Variants in FAM107B observed in about 807,000 individuals in gnomAD.
FAM107B encodes the protein protein FAM107B.
A neutral mutation model predicts 31.5 loss-of-function variants in FAM107B; 21 were observed. The ratio of observed to expected loss-of-function variants is 0.67; its 90% CI spans 0.47 to 0.96. The LOEUF is 0.96. Among genes scored for constraint, FAM107B ranks in the 40% least tolerant of loss-of-function variants. The pLI, the probability that FAM107B is intolerant of heterozygous loss-of-function variation, is 0.00. For synonymous variants in FAM107B, 157 were observed against 141.5 expected (o/e 1.11, Z -0.78); for missense variants, 452 against 377.1 (o/e 1.20, Z -1.64).
intron 1 of FAM107B, among the ~76,000 whole-genome samples, chr10:14,724,784 C>A (rs901817853): frequency 1.3e-5 from 2 of 152,136 alleles, no homozygotes; most frequent in African/African-American, 2.4e-5. Flanking sequence ...GACAGAAGCT[C>A]ATCCACACTG....
At chr10:14,571,483 GT>G (rs1851220682) in intron 2 of FAM107B, among the ~76,000 whole-genome samples, 1 of 152,092 alleles carries the variant, frequency 6.6e-6, no homozygotes, top group Non-Finnish European at 1.5e-5. Context: ...AAAAAGCTAA[GT>G]AAAAGGCGAC....
intron 2 of FAM107B, among the ~76,000 whole-genome samples, chr10:14,574,532 A>G (rs1851404454): frequency 6.6e-6 from 1 of 152,198 alleles, no homozygotes; most frequent in Admixed American, 6.5e-5. Flanking sequence ...GCTGATCACA[A>G]CTGTCCACCT....
chr10:14,641,184 T>C (rs1011709048), intron 2 of FAM107B, among the ~76,000 whole-genome samples: 2 of 152,216 alleles, frequency 1.3e-5, no homozygotes, highest in Non-Finnish European at 2.9e-5. Context: ...TTTTCTTAGG[T>C]AGATATGATA....
rs764029515 is a variant in FAM107B, at chr10:14,774,230, T to C, written c.411+23A>G. The C allele has an allele frequency of 2.0e-5, 32 of 1,584,062 alleles. 2 individuals are homozygous for C. In the South Asian group the frequency reaches 3.2e-4, roughly 16 times the overall value. On this transcript the variant is annotated intron_variant, in intron 1 of 4. Transcript: ENST00000181796. ...TCCTCCAGCTCCATCCCGTCTATAA[T>C]CGCAGAGCGAACACTCACTCACCTT...
intron 2 of FAM107B, among the ~76,000 whole-genome samples, chr10:14,598,789 C>T (rs71485520): frequency 0.065 from 9,942 of 152,254 alleles, 421 homozygotes; most frequent in East Asian, 0.13. Context: ...CCTCATTTGC[C>T]AAATCTCAGG....
intron 1 of FAM107B, among the ~76,000 whole-genome samples, chr10:14,731,852 C>G (rs888176037): frequency 2.0e-5 from 3 of 152,206 alleles, no homozygotes; most frequent in African/African-American, 4.8e-5. Flanking sequence ...GTGGGCTACA[C>G]CATCTAGGTT....
intron 1 of FAM107B, among the ~76,000 whole-genome samples, chr10:14,687,817 A>G (rs1373687236): frequency 2.0e-5 from 3 of 152,166 alleles, no homozygotes; most frequent in Admixed American, 6.5e-5. Context: ...ACACACATAC[A>G]CAAGCATGCA....
intron 1 of FAM107B, among the ~76,000 whole-genome samples, chr10:14,696,543 G>T (rs1258480944): frequency 1.3e-5 from 2 of 152,026 alleles, no homozygotes; most frequent in African/African-American, 4.8e-5. Context: ...TTTCGGGGGA[G>T]GTGGTGGGGG....
intron 2 of FAM107B, among the ~76,000 whole-genome samples, chr10:14,637,600 T>C (rs1255844071): frequency 6.6e-6 from 1 of 152,148 alleles, no homozygotes; most frequent in East Asian, 1.9e-4. Context: ...GCTGTGATCA[T>C]GCTACAGCAC....
intron 2 of FAM107B, among the ~76,000 whole-genome samples, chr10:14,579,044 A>G (rs1218143754): frequency 6.6e-6 from 1 of 152,238 alleles, no homozygotes; most frequent in Non-Finnish European, 1.5e-5. Flanking sequence ...AATATATACA[A>G]GCCTCTCAGG....
At chr10:14,602,729 T>G (rs1027421610) in intron 2 of FAM107B, 2 of 152,236 alleles carry the variant, frequency 1.3e-5, no homozygotes, top group Non-Finnish European at 2.9e-5. Context: ...AAATGACTCC[T>G]GAATTCAAAA....
At chr10:14,727,181 T>C (rs757045110) in intron 1 of FAM107B, among the ~76,000 whole-genome samples, 5 of 152,108 alleles carry the variant, frequency 3.3e-5, no homozygotes, top group Non-Finnish European at 7.4e-5. Flanking sequence ...TAAATACAGA[T>C]GAAGCTTCAC....
chr10:14,697,767 T>G (rs1253991574), intron 1 of FAM107B, among the ~76,000 whole-genome samples: 1 of 152,236 alleles, frequency 6.6e-6, no homozygotes, highest in African/African-American at 2.4e-5. Context: ...TGTTGTACCT[T>G]TATTGCTGTG....
chr10:14,569,496 C>T (rs1432582433), intron 2 of FAM107B, among the ~76,000 whole-genome samples: 2 of 152,116 alleles, frequency 1.3e-5, no homozygotes, highest in Admixed American at 6.5e-5. Flanking sequence ...ACAGACTCAA[C>T]ATATTGTTCC....
chr10:14,687,044 A>C (rs1855006686), intron 1 of FAM107B, among the ~76,000 whole-genome samples: 1 of 152,246 alleles, frequency 6.6e-6, no homozygotes, highest in Non-Finnish European at 1.5e-5. Flanking sequence ...GCGAAGCCTC[A>C]GAGATGCTGA....
At position 14,519,024 on chromosome 10, in the gene FAM107B, T is replaced by A. The variant is rs1845382627; in HGVS notation, c.*2166A>T. 1 of 152,552 alleles carries A rather than the reference T, an allele frequency of 6.6e-6. No individual in the cohort carries two copies. Among genetic ancestry groups the A allele is most frequent in the Non-Finnish European group, 1.5e-5 (1 of 68,048 alleles). The allele number at this position is 152,552 out of a possible 1,614,324, so 9.4% of individuals were successfully genotyped here. ...CAACTTCAAAGAGCTTCTCTGCCTA[T>A]ACATTCCACCGTTTAGCATAAGACA... On this transcript the variant is annotated 3_prime_UTR_variant, in exon 5 of 5. Coordinates refer to ENST00000181796, the MANE Select transcript of FAM107B (RefSeq NM_031453.4).
At chr10:14,569,360 C>T (rs956730354) in intron 2 of FAM107B, among the ~76,000 whole-genome samples, 2 of 152,016 alleles carry the variant, frequency 1.3e-5, no homozygotes, top group African/African-American at 2.4e-5. Context: ...GGGGAGGGTA[C>T]ATGTTGTGTT....
chr10:14,636,770 G>C (rs796255172), intron 2 of FAM107B, among the ~76,000 whole-genome samples: 27 of 152,250 alleles, frequency 1.8e-4, no homozygotes, highest in African/African-American at 6.5e-4. Flanking sequence ...TCGAGTTCTT[G>C]GAGGTTGAAT....
At chr10:14,578,115 C>A (rs978597060) in intron 2 of FAM107B, among the ~76,000 whole-genome samples, 2 of 152,120 alleles carry the variant, frequency 1.3e-5, no homozygotes, top group African/African-American at 4.8e-5. Flanking sequence ...TGGAAAAGTT[C>A]ATTAAATGAA....
Sources: gnomAD v4.1 joint callset for allele counts (sites outside exome capture counted in the v4.1 genomes callset) on GRCh38, gnomAD v4.1.1 for gene constraint, MANE v1.5 for transcripts, NCBI Gene and HGNC (gene_info 2026-07-23, HGNC 2026-07-21) for gene names.